PTPRC: variants seen among roughly 807,000 people sequenced by gnomAD.
PTPRC encodes receptor-type tyrosine-protein phosphatase C.
In PTPRC, 44 loss-of-function variants were observed where a neutral mutation model predicts 155.9. The ratio of observed to expected loss-of-function variants is 0.28; its 90% confidence interval spans 0.22 to 0.36. The LOEUF is 0.36. Ranked by LOEUF, PTPRC falls within the 10% of genes least tolerant of loss-of-function variation. The probability of loss-of-function intolerance (pLI) is 1.00; values close to 1 mark genes in which losing one functional copy is unlikely to be tolerated. For synonymous variants in PTPRC, 525 were observed against 533.1 expected (o/e 0.98, Z 0.21); for missense variants, 1,401 against 1,564.6 (o/e 0.90, Z 1.76).
intron 14 of PTPRC, among the ~76,000 whole-genome samples, chr1:198,718,626 C>CT (rs1442126927): frequency 4.6e-5 from 7 of 152,070 alleles, no homozygotes; most frequent in Non-Finnish European, 1.0e-4. Context: ...CTTTTCTTTA[C>CT]TTTGGCTTTT....
chr1:198,693,488 G>A (rs527619214), intron 3 of PTPRC, among the ~76,000 whole-genome samples: 14 of 152,314 alleles, frequency 9.2e-5, no homozygotes, highest in African/African-American at 3.4e-4. Flanking sequence ...GTATAAGGTA[G>A]AATGGGGAGT....
chr1:198,741,534 T>C lies in PTPRC; in HGVS notation c.2404-335T>C, dbSNP rs144438182. On this transcript the variant is annotated intron_variant, in intron 23 of 32. Transcript: ENST00000442510. ...ACCCCACTTTTATGGTGTATGTTTA[T>C]TTTGGGTTTTTTTTGCTTGACAGCA... Among the ~76,000 whole-genome samples, 40 of 151,978 alleles carry C rather than the reference T, an allele frequency of 2.6e-4. No homozygotes were observed. In the East Asian group the frequency reaches 5.3e-3, roughly 20 times the overall value.
At chr1:198,662,420 T>C (rs1449033237) in intron 2 of PTPRC, among the ~76,000 whole-genome samples, 2 of 150,686 alleles carry the variant, frequency 1.3e-5, no homozygotes, top group African/African-American at 4.9e-5. Flanking sequence ...TCTAGGATCA[T>C]TTTGGCTGGG....
chr1:198,756,086 G>C lies in PTPRC; in HGVS notation c.3826G>C (p.Glu1276Gln), dbSNP rs1340111706. 4 of 1,613,424 alleles carry C rather than the reference G, an allele frequency of 2.5e-6. No individual in the cohort carries two copies. Among genetic ancestry groups the C allele is most frequent in the Middle Eastern group, 1.7e-4 (1 of 6,054 alleles). Residue 1276 changes from glutamate (E) to glutamine (Q), a missense_variant, in exon 33 of 33, where the codon GAA (glutamate) becomes CAA (glutamine). Physicochemically the swap from Glu to Gln is conservative, Grantham distance 29. This residue lies in a region of PTPRC where 400 missense variants were observed against 389.5 expected (regional missense o/e 1.03). Coordinates refer to ENST00000442510, the MANE Select transcript of PTPRC (RefSeq NM_002838.5). ...CCCAGAAAAGCTCCCTGAAGCAAAG[G>C]AACAGGCTGAAGGTTCTGAACCCAC... ...GAPEKLPEAK[E>Q]QAEGSEPTSG...
intron 2 of PTPRC, among the ~76,000 whole-genome samples, chr1:198,692,143 T>C (rs558462550): frequency 1.3e-5 from 2 of 152,040 alleles, no homozygotes; most frequent in Non-Finnish European, 2.9e-5. Context: ...AAAAAATAAA[T>C]AACATAATTT....
chr1:198,738,672 T>A (rs1654762051), intron 23 of PTPRC, among the ~76,000 whole-genome samples: 5 of 151,746 alleles, frequency 3.3e-5, no homozygotes, highest in Admixed American at 2.6e-4. Flanking sequence ...GCAGAATGAG[T>A]TTGGAAGAAT....
chr1:198,646,693 T>C (rs1004404028), intron 2 of PTPRC, among the ~76,000 whole-genome samples: 3 of 151,900 alleles, frequency 2.0e-5, no homozygotes, highest in African/African-American at 7.2e-5. Context: ...ATAGAAACTT[T>C]AGAAACACTT....
intron 23 of PTPRC, among the ~76,000 whole-genome samples, chr1:198,739,215 G>C (rs767459010): frequency 6.6e-6 from 1 of 151,592 alleles, no homozygotes; most frequent in Non-Finnish European, 1.5e-5. Flanking sequence ...GCAGGAGTAA[G>C]TCTTTATTTA....
chr1:198,688,080 T>G (rs965207325), intron 2 of PTPRC, among the ~76,000 whole-genome samples: 12 of 148,290 alleles, frequency 8.1e-5, no homozygotes, highest in Admixed American at 5.3e-4. Context: ...GTGTGTGGGG[T>G]GTGTGTGTGT....
At chr1:198,747,004 A>G (rs1329046840) in intron 26 of PTPRC, among the ~76,000 whole-genome samples, 1 of 151,646 alleles carries the variant, frequency 6.6e-6, no homozygotes, top group Non-Finnish European at 1.5e-5. Flanking sequence ...ATATACACAC[A>G]CGTATCTACA....
intron 24 of PTPRC, 91 bp from the exon 25 acceptor site, chr1:198,742,141 C>G: frequency 6.2e-7 from 1 of 1,602,402 alleles, no homozygotes; most frequent in South Asian, 1.1e-5. Context: ...TGGGAAACAA[C>G]CTATGGGAGA....
At chr1:198,679,858 A>C (rs1665201084) in intron 2 of PTPRC, 2 of 605,618 alleles carry the variant, frequency 3.3e-6, no homozygotes, top group Non-Finnish European at 5.9e-6. Context: ...CAAGGTGTAG[A>C]GTTTCCTTGA....
At chr1:198,673,962 A>G (rs1664795525) in intron 2 of PTPRC, among the ~76,000 whole-genome samples, 2 of 152,254 alleles carry the variant, frequency 1.3e-5, no homozygotes, top group African/African-American at 2.4e-5. Flanking sequence ...ATATGCATCT[A>G]GAGGCTAAAA....
chr1:198,714,046 T>G (rs888508685), intron 12 of PTPRC, among the ~76,000 whole-genome samples: 2 of 152,188 alleles, frequency 1.3e-5, no homozygotes, highest in African/African-American at 4.8e-5. Flanking sequence ...TACTATATAT[T>G]TGAGGTTATG....
chr1:198,756,265 A>G lies in PTPRC; in HGVS notation c.*84A>G. The G allele has an allele frequency of 1.3e-6, 2 of 1,516,484 alleles. No individual in the cohort carries two copies. Among genetic ancestry groups the G allele is most frequent in the Non-Finnish European group, 1.8e-6 (2 of 1,106,072 alleles). 93.9% of individuals were successfully genotyped at this position (1,516,484 alleles called of 1,614,324 possible). ...AGAAGTAGGAAGTGAAAATAGGTATACAGTGGATTAATTAAATGCAGCGAA... is the reference window on the plus strand; with the variant it reads ...AGAAGTAGGAAGTGAAAATAGGTATGCAGTGGATTAATTAAATGCAGCGAA... On this transcript the variant is annotated 3_prime_UTR_variant, in exon 33 of 33. Transcript: ENST00000442510.
At chr1:198,694,556 G>A in intron 3 of PTPRC, 2 of 988,860 alleles carry the variant, frequency 2.0e-6, no homozygotes, top group South Asian at 9.4e-5. Context: ...GGACGATAAA[G>A]GGAACTTGTT....
chr1:198,670,683 C>G (rs1376638738), intron 2 of PTPRC, among the ~76,000 whole-genome samples: 1 of 152,084 alleles, frequency 6.6e-6, no homozygotes. Flanking sequence ...CTAATTCATA[C>G]TCCCTATTGC....
At chr1:198,722,601 A>G in intron 15 of PTPRC, 125 bp downstream of exon 15, 1 of 436,668 alleles carries the variant, frequency 2.3e-6, no homozygotes, top group Non-Finnish European at 3.5e-6. Flanking sequence ...TCTTCCGTAA[A>G]TGTAATATTT....
chr1:198,681,127 G>A (rs903806452), intron 2 of PTPRC, among the ~76,000 whole-genome samples: 1 of 151,984 alleles, frequency 6.6e-6, no homozygotes, highest in African/African-American at 2.4e-5. Flanking sequence ...TGAAGAGCTG[G>A]CCCAATATGA....
Sources: allele counts gnomAD v4.1 joint callset (sites outside exome capture counted in the v4.1 genomes callset), GRCh38; gene constraint gnomAD v4.1.1; regional missense constraint gnomAD v4.1.1; transcripts MANE v1.5; gene names NCBI Gene and HGNC (gene_info 2026-07-23, HGNC 2026-07-21).